Variants in DPP6 observed in about 807,000 individuals in gnomAD.
DPP6 encodes the protein A-type potassium channel modulatory protein DPP6.
In DPP6, 69 loss-of-function variants were observed where a neutral mutation model predicts 122.6. The observed-to-expected ratio is 0.56, with a 90% CI of 0.46 to 0.69. The LOEUF (loss-of-function observed/expected upper bound fraction) is 0.69, where lower values mean the gene tolerates loss of function less well. DPP6 is among the 30% of genes least tolerant of loss of function. The pLI, the probability that DPP6 is intolerant of heterozygous loss-of-function variation, is 0.00. For missense variants in DPP6, 928 were observed against 1,116.9 expected, an observed-to-expected ratio of 0.83 and a Z score of 2.41; for synonymous variants, 418 against 433.1, an observed-to-expected ratio of 0.97 and a Z score of 0.43.
intron 5 of DPP6, among the ~76,000 whole-genome samples, chr7:154,582,688 G>A (rs934614032): frequency 4.6e-5 from 7 of 152,122 alleles, no homozygotes; most frequent in African/African-American, 1.7e-4. Flanking sequence ...ATAAAGCAAA[G>A]ACAAAAAAGT....
At chr7:154,541,746 C>G (rs1002353039) in intron 4 of DPP6, among the ~76,000 whole-genome samples, 1 of 152,158 alleles carries the variant, frequency 6.6e-6, no homozygotes, top group Admixed American at 6.5e-5. Flanking sequence ...ATCAGAAACA[C>G]AGAAATCCTA....
intron 1 of DPP6, among the ~76,000 whole-genome samples, chr7:154,099,145 G>T (rs1177781413): frequency 6.6e-6 from 1 of 151,980 alleles, no homozygotes; most frequent in African/African-American, 2.4e-5. Context: ...GGGCTCATAT[G>T]ACTCAGTGGA....
intron 1 of DPP6, among the ~76,000 whole-genome samples, chr7:154,230,246 G>A (rs1239443401): frequency 6.6e-6 from 1 of 152,138 alleles, no homozygotes; most frequent in East Asian, 1.9e-4. Flanking sequence ...AGAGGAATAA[G>A]CTATGGCCCC....
At chr7:154,487,942 C>T (rs1054824813) in intron 3 of DPP6, among the ~76,000 whole-genome samples, 1 of 152,204 alleles carries the variant, frequency 6.6e-6, no homozygotes, top group African/African-American at 2.4e-5. Flanking sequence ...TGTCTGTCTG[C>T]ATCTCTGTCT....
chr7:154,837,546 G>A (rs1346302613), intron 16 of DPP6, among the ~76,000 whole-genome samples: 1 of 152,266 alleles, frequency 6.6e-6, no homozygotes, highest in East Asian at 1.9e-4. Context: ...GGTGGGGGCA[G>A]GTAGAGTGTG....
rs377432310 is a variant in DPP6 at position 154,062,210 on chromosome 7, C to T, written c.243+9147C>T. On this transcript the variant is annotated intron_variant, in intron 1 of 25. Coordinates refer to ENST00000377770, the MANE Select transcript of DPP6 (RefSeq NM_130797.4). ...TCCTTAGGACCCACCTGGAGGACTG[C>T]GGGTGTTAGGTGTCCAAGTAGAAAG... Among the ~76,000 whole-genome samples the T allele has an allele frequency of 1.4e-3, 140 of 98,408 alleles. 24 individuals carry two copies. Among genetic ancestry groups the T allele is most frequent in the Middle Eastern group, 5.2e-3 (1 of 192 alleles). 64.6% of individuals were successfully genotyped at this position (98,408 alleles called of 152,430 possible). A position where few individuals can be genotyped will look rare whatever the true frequency, so the allele number is the denominator to read the frequency against.
At chr7:154,038,008 C>T (rs1342657299) in intron 1 of DPP6, among the ~76,000 whole-genome samples, 2 of 117,900 alleles carry the variant, frequency 1.7e-5, no homozygotes, top group Non-Finnish European at 3.4e-5. Context: ...CCTTGGGAAT[C>T]TAAGATGTTA....
At chr7:154,127,620 C>T (rs1240922452) in intron 1 of DPP6, among the ~76,000 whole-genome samples, 1 of 119,404 alleles carries the variant, frequency 8.4e-6, no homozygotes, top group East Asian at 2.5e-4. Context: ...CACACACACA[C>T]ACACACACAC....
At chr7:153,952,200 G>A (rs1802251118) in intron 1 of DPP6, among the ~76,000 whole-genome samples, 1 of 152,202 alleles carries the variant, frequency 6.6e-6, no homozygotes, top group Non-Finnish European at 1.5e-5. Flanking sequence ...AAAGAATAGT[G>A]TTTTAACACT....
chr7:153,756,043 C>T, the DPP6 span, among the ~76,000 whole-genome samples: 5 of 152,138 alleles, frequency 3.3e-5, no homozygotes, highest in African/African-American at 9.7e-5. Context: ...GAGTATATCA[C>T]AGAACCAGAG....
chr7:154,117,124 C>G (rs1181978710), intron 1 of DPP6, among the ~76,000 whole-genome samples: 2 of 151,738 alleles, frequency 1.3e-5, no homozygotes, highest in East Asian at 3.9e-4. Context: ...GCACATATTT[C>G]CCAAGCATTT....
At chr7:154,830,712 G>A (rs1337451228) in intron 16 of DPP6, among the ~76,000 whole-genome samples, 1 of 152,158 alleles carries the variant, frequency 6.6e-6, no homozygotes, top group Non-Finnish European at 1.5e-5. Flanking sequence ...TGGCTTGCAG[G>A]GTTGCTGCTC....
the DPP6 span, among the ~76,000 whole-genome samples, chr7:153,841,359 C>T: frequency 7.2e-5 from 11 of 152,300 alleles, no homozygotes; most frequent in South Asian, 1.7e-3. Context: ...GACAAATGAT[C>T]TGGATAATTG....
intron 1 of DPP6, among the ~76,000 whole-genome samples, chr7:154,435,261 G>A (rs1015389439): frequency 2.0e-5 from 3 of 152,060 alleles, no homozygotes; most frequent in Admixed American, 6.5e-5. Context: ...GAAGGAGGAC[G>A]AGAGAGAAAG....
the DPP6 span, among the ~76,000 whole-genome samples, chr7:153,783,678 TTACA>T: frequency 6.6e-6 from 1 of 152,222 alleles, no homozygotes; most frequent in Non-Finnish European, 1.5e-5. Flanking sequence ...CAATAAAAAC[TTACA>T]TGTGCTGATG....
the DPP6 span, among the ~76,000 whole-genome samples, chr7:153,844,841 A>T: frequency 6.6e-6 from 1 of 152,196 alleles, no homozygotes; most frequent in East Asian, 1.9e-4. Context: ...CTGAACTCTA[A>T]ATAAAAATAT....
chr7:154,284,865 A>G (rs1233356001), intron 1 of DPP6, among the ~76,000 whole-genome samples: 2 of 152,186 alleles, frequency 1.3e-5, no homozygotes, highest in African/African-American at 2.4e-5. Context: ...AAAACAAAAC[A>G]AAACAAAACA....
At chr7:154,175,445 C>G (rs1236062968) in intron 1 of DPP6, among the ~76,000 whole-genome samples, 1 of 152,022 alleles carries the variant, frequency 6.6e-6, no homozygotes, top group Non-Finnish European at 1.5e-5. Flanking sequence ...AGCATGAGCT[C>G]GGAAGCAGGT....
At chr7:154,251,103 T>C (rs1198639074) in intron 1 of DPP6, among the ~76,000 whole-genome samples, 1 of 152,228 alleles carries the variant, frequency 6.6e-6, no homozygotes, top group East Asian at 1.9e-4. Context: ...AGAGTCTGGC[T>C]GACTGCGGGA....
Sources: gnomAD v4.1 joint callset for allele counts (sites outside exome capture counted in the v4.1 genomes callset) on GRCh38, gnomAD v4.1.1 for gene constraint, MANE v1.5 for transcripts, NCBI Gene and HGNC (gene_info 2026-07-23, HGNC 2026-07-21) for gene names.